CEP57L1: variants seen among roughly 807,000 people sequenced by gnomAD.
The protein encoded by CEP57L1 is centrosomal protein CEP57L1.
A neutral mutation model predicts 61.0 loss-of-function variants in CEP57L1; 37 were observed. That is an observed-to-expected ratio of 0.61 (90% CI 0.47 to 0.80). The LOEUF (loss-of-function observed/expected upper bound fraction) is 0.80. Ranked by LOEUF, CEP57L1 falls within the 30% of genes least tolerant of loss-of-function variation. The pLI is 0.00. For synonymous variants in CEP57L1, 137 were observed against 162.3 expected (o/e 0.84, Z 1.19); for missense variants, 422 against 524.7 (o/e 0.80, Z 1.91).
chr6:109,142,005 A>G (rs1771437344), intron 1 of CEP57L1, among the ~76,000 whole-genome samples: 2 of 152,188 alleles, frequency 1.3e-5, no homozygotes, highest in South Asian at 4.1e-4. Flanking sequence ...GTCCTATGGA[A>G]TAAGTGTTTT....
At position 109,159,002 on chromosome 6, in the gene CEP57L1, GT is replaced by G. The variant is rs763334365; in HGVS notation, c.745-16del. Reference sequence around the variant, plus strand: ...ACTTTTAAAATAATTTCTTGTTTACGTTTTTTTCTTGCCAATCTCTAGAAAA... The same window carrying G: ...ACTTTTAAAATAATTTCTTGTTTACGTTTTTTCTTGCCAATCTCTAGAAAA... On this transcript the variant is annotated intron_variant, in intron 7 of 10. Transcript: ENST00000517392. The G allele has an allele frequency of 8.2e-6, 13 of 1,585,676 alleles. No individual in the cohort carries two copies. In the African/African-American group the frequency reaches 1.4e-4, roughly 17 times the overall value.
At position 109,165,365 on chromosome 6, in the gene CEP57L1, G is replaced by A. The variant is rs577832553; in HGVS notation, c.*2395G>A. On this transcript the variant is annotated 3_prime_UTR_variant, in exon 11 of 11. Coordinates refer to ENST00000517392, the MANE Select transcript of CEP57L1 (RefSeq NM_001271852.3). The stretch of plus-strand genomic sequence containing the variant: ...TAACATGGGAAAGCACCCAGCAGAA[G>A]AGTTGACACTTATTAAACACTCAAT... Among the ~76,000 whole-genome samples, 1 of 149,694 alleles carries A rather than the reference G, an allele frequency of 6.7e-6. No individual in the cohort carries two copies. Among genetic ancestry groups the A allele is most frequent in the African/African-American group, 2.5e-5 (1 of 40,668 alleles).
intron 1 of CEP57L1, among the ~76,000 whole-genome samples, chr6:109,096,950 A>T (rs2114516294): frequency 6.6e-6 from 1 of 152,276 alleles, no homozygotes. Context: ...ATTCAGCTTC[A>T]CCTCTCAGCT....
rs1773590331 is a variant in CEP57L1, at chr6:109,126,701, T to A, written c.-3-18518T>A. Among the ~76,000 whole-genome samples, 3 of 152,196 alleles carry A rather than the reference T, an allele frequency of 2.0e-5. 1 individual carries two copies. The South Asian group carries it at 6.2e-4, about 32-fold the overall frequency. ...CATTCAATAAGGAGAAATCTAATTA[T>A]TAGTATGTTCATAAGCCTGGTTATT... On this transcript the variant is annotated intron_variant, in intron 1 of 10. Coordinates refer to ENST00000517392, the MANE Select transcript of CEP57L1 (RefSeq NM_001271852.3).
At chr6:109,109,709 G>A (rs1322450517) in intron 1 of CEP57L1, among the ~76,000 whole-genome samples, 1 of 152,128 alleles carries the variant, frequency 6.6e-6, no homozygotes, top group Non-Finnish European at 1.5e-5. Flanking sequence ...CCCGTGACAG[G>A]CCCGGGTGAG....
chr6:109,171,019 G>A lies in CEP57L1; in HGVS notation c.*8049G>A, dbSNP rs968889072. 1.3e-4 allele frequency among the ~76,000 whole-genome samples: 20 copies of A among 152,188 alleles called. No homozygotes were observed. Among genetic ancestry groups the A allele is most frequent in the African/African-American group, 4.3e-4 (18 of 41,526 alleles). ...ATATAACTTCTCCTTTATAAGCTTAGAAAAATTTATATCAGTATTACATTC... is the reference window on the plus strand; with the variant it reads ...ATATAACTTCTCCTTTATAAGCTTAAAAAAATTTATATCAGTATTACATTC... On this transcript the variant is annotated 3_prime_UTR_variant, in exon 11 of 11. Coordinates refer to ENST00000517392, the MANE Select transcript of CEP57L1 (RefSeq NM_001271852.3).
At chr6:109,100,705 A>G (rs913727010) in intron 1 of CEP57L1, among the ~76,000 whole-genome samples, 1 of 151,638 alleles carries the variant, frequency 6.6e-6, no homozygotes, top group East Asian at 1.9e-4. Context: ...AGAAAGAAAG[A>G]AAGTTTACAG....
At chr6:109,148,725 A>G (rs1223059920) in intron 3 of CEP57L1, among the ~76,000 whole-genome samples, 1 of 152,160 alleles carries the variant, frequency 6.6e-6, no homozygotes, top group Non-Finnish European at 1.5e-5. Flanking sequence ...ACTAGTTTAC[A>G]GTCCCACCAA....
At chr6:109,118,691 G>A (rs1772594974) in intron 1 of CEP57L1, among the ~76,000 whole-genome samples, 1 of 152,188 alleles carries the variant, frequency 6.6e-6, no homozygotes, top group Admixed American at 6.5e-5. Context: ...ACAAACCCGT[G>A]TTTGTGTTGC....
At chr6:109,154,594 C>T (rs1196070379) in intron 5 of CEP57L1, among the ~76,000 whole-genome samples, 1 of 151,908 alleles carries the variant, frequency 6.6e-6, no homozygotes, top group East Asian at 1.9e-4. Flanking sequence ...CTCCAAAATC[C>T]AAAACTTTTT....
chr6:109,136,347 T>C (rs1562099494), intron 1 of CEP57L1, among the ~76,000 whole-genome samples: 1 of 152,068 alleles, frequency 6.6e-6, no homozygotes, highest in Non-Finnish European at 1.5e-5. Flanking sequence ...TTCTCACTCA[T>C]AGGTGGGAAT....
At chr6:109,136,133 C>T (rs1452153707) in intron 1 of CEP57L1, among the ~76,000 whole-genome samples, 4 of 152,184 alleles carry the variant, frequency 2.6e-5, no homozygotes, top group African/African-American at 9.7e-5. Flanking sequence ...TATTGCGGCA[C>T]TATTCACAAT....
In CEP57L1 at chr6:109,137,550, C is replaced by T. The variant is rs146180382; in HGVS notation, c.-3-7669C>T. Among the ~76,000 whole-genome samples the T allele has an allele frequency of 8.3e-3, 1,264 of 152,166 alleles. 24 individuals are homozygous for T. Among genetic ancestry groups the T allele is most frequent in the African/African-American group, 0.029 (1,213 of 41,512 alleles). On this transcript the variant is annotated intron_variant, in intron 1 of 10. Coordinates refer to ENST00000517392, the MANE Select transcript of CEP57L1 (RefSeq NM_001271852.3). ...CTCCTGACCTACTGATCTGCCTGCTCTGGCCTCCCAAAGTGCTGGGATTAC... is the reference window on the plus strand; with the variant it reads ...CTCCTGACCTACTGATCTGCCTGCTTTGGCCTCCCAAAGTGCTGGGATTAC...
At chr6:109,112,888 T>G (rs2114642711) in intron 1 of CEP57L1, among the ~76,000 whole-genome samples, 2 of 152,312 alleles carry the variant, frequency 1.3e-5, no homozygotes, top group Middle Eastern at 6.8e-3. Context: ...TTTGTTATGA[T>G]TTGTGTTCTT....
At chr6:109,149,921 G>T (rs1399338932) in intron 3 of CEP57L1, among the ~76,000 whole-genome samples, 197 bp from the exon 4 acceptor site, 1 of 152,064 alleles carries the variant, frequency 6.6e-6, no homozygotes, top group Admixed American at 6.6e-5. Flanking sequence ...CTCTCTGTTT[G>T]TCTGTTATTG....
chr6:109,161,509 C>T lies in CEP57L1; in HGVS notation c.1161+793C>T, dbSNP rs146039679. On this transcript the variant is annotated intron_variant, in intron 10 of 10. Transcript: ENST00000517392. ...TGAATGTCACAAATAAGCCTCCCCG[C>T]GTTTTATAGGAAAGTAATAGAAGAT... Among the ~76,000 whole-genome samples the T allele has an allele frequency of 2.3e-3, 356 of 151,910 alleles. 3 individuals carry two copies. Among genetic ancestry groups the T allele is most frequent in the African/African-American group, 7.8e-3 (323 of 41,420 alleles).
intron 1 of CEP57L1, among the ~76,000 whole-genome samples, chr6:109,138,993 C>T (rs961921393): frequency 2.0e-5 from 3 of 152,132 alleles, no homozygotes; most frequent in Non-Finnish European, 4.4e-5. Flanking sequence ...TACCTTTTCA[C>T]TGAAAGAAAG....
At chr6:109,154,439 C>A (rs1773006191) in intron 5 of CEP57L1, among the ~76,000 whole-genome samples, 1 of 152,110 alleles carries the variant, frequency 6.6e-6, no homozygotes, top group Non-Finnish European at 1.5e-5. Flanking sequence ...ATAATACTTA[C>A]ATATATAAGG....
At chr6:109,128,074 T>C (rs1773780444) in intron 1 of CEP57L1, among the ~76,000 whole-genome samples, 1 of 152,196 alleles carries the variant, frequency 6.6e-6, no homozygotes, top group Non-Finnish European at 1.5e-5. Flanking sequence ...TGCTGTTCTT[T>C]ATACTGTCCT....
Sources: gnomAD v4.1 joint callset for allele counts (sites outside exome capture counted in the v4.1 genomes callset) on GRCh38, gnomAD v4.1.1 for gene constraint, MANE v1.5 for transcripts, NCBI Gene and HGNC (gene_info 2026-07-23, HGNC 2026-07-21) for gene names.